Variants in DIAPH2 observed in about 807,000 individuals in gnomAD.
DIAPH2 encodes protein diaphanous homolog 2.
DIAPH2 carries 35 observed loss-of-function variants against 92.7 expected under a neutral mutation model. That is an observed-to-expected ratio of 0.38 (90% CI 0.29 to 0.50). The LOEUF (loss-of-function observed/expected upper bound fraction) is 0.50, where lower values mean the gene tolerates loss of function less well. Ranked by LOEUF, DIAPH2 falls within the 20% of genes least tolerant of loss-of-function variation. The pLI is 0.94. For synonymous variants in DIAPH2, 301 were observed against 280.4 expected, an observed-to-expected ratio of 1.07 and a Z score of -0.73; for missense variants, 701 against 819.5, an observed-to-expected ratio of 0.86 and a Z score of 1.77.
intron 4 of DIAPH2, among the ~76,000 whole-genome samples, chrX:96,836,704 TATATATATATA>T (rs1461970862): frequency 3.5e-4 from 8 of 22,895 alleles, no homozygotes; most frequent in Admixed American, 6.4e-4. Flanking sequence ...TATATATATA[TATATATATATA>T]TATTTTTTTT....
chrX:97,114,669 G>C, intron 20 of DIAPH2, 57 bp from the exon 21 acceptor site: 1 of 1,047,301 alleles, frequency 9.5e-7, no homozygotes, highest in Non-Finnish European at 1.3e-6. Flanking sequence ...CCCCACTAAA[G>C]AGATAAAATA....
intron 23 of DIAPH2, among the ~76,000 whole-genome samples, chrX:97,313,351 ATCT>A (rs200067465): frequency 0.023 from 2,589 of 111,863 alleles, 28 homozygotes; most frequent in Middle Eastern, 0.041. Context: ...CTGTGTGGTC[ATCT>A]TCTTATAAGA....
intron 4 of DIAPH2, among the ~76,000 whole-genome samples, chrX:96,871,136 T>C (rs751284744): frequency 5.4e-4 from 61 of 111,988 alleles, no homozygotes; most frequent in African/African-American, 1.9e-3. Context: ...CTGCCCATTT[T>C]TTAAAGTCAC....
In DIAPH2 at chrX:96,912,642, TA is replaced by T. The variant is rs781384259; in HGVS notation, c.732+91del. 1.9e-4 allele frequency: 194 copies of T among 1,004,018 alleles called. No individual in the cohort carries two copies. The South Asian group carries it at 3.0e-3, about 16-fold the overall frequency. 82.7% of individuals were successfully genotyped at this position (1,004,018 alleles called of 1,213,427 possible). On this transcript the variant is annotated intron_variant, in intron 7 of 26. Transcript: ENST00000324765. ...TGAAATGAACAAAATATTTTTTTAT[TA>T]TTTTTTTTAATTTCCAGGGTACATG... is the stretch of plus-strand genomic sequence containing the variant.
At chrX:96,685,865 G>A (rs1250983128) in intron 1 of DIAPH2, among the ~76,000 whole-genome samples, 2 of 111,841 alleles carry the variant, frequency 1.8e-5, no homozygotes, top group Non-Finnish European at 3.8e-5. Context: ...CTTCCACTTA[G>A]TTGATTAAGA....
rs1019876965 is a variant in DIAPH2 at position 97,600,180 on chromosome X, C to A, written c.*863C>A. On this transcript the variant is annotated 3_prime_UTR_variant, in exon 27 of 27. Transcript: ENST00000324765. Reference sequence around the variant, plus strand: ...AATTCTATTACGTTTATTTAGATTTCAAAGGCAAATATTGATTCCTATGCT... The same window carrying A: ...AATTCTATTACGTTTATTTAGATTTAAAAGGCAAATATTGATTCCTATGCT... 1.8e-5 allele frequency: 2 copies of A among 112,150 alleles called. No homozygotes were observed. Among genetic ancestry groups the A allele is most frequent in the Non-Finnish European group, 3.8e-5 (2 of 53,059 alleles). The allele number at this position is 112,150 out of a possible 1,213,427, so 9.2% of individuals were successfully genotyped here. A position where few individuals can be genotyped will look rare whatever the true frequency, so the allele number is the denominator to read the frequency against.
At chrX:96,950,910 G>A (rs542642446) in intron 15 of DIAPH2, among the ~76,000 whole-genome samples, 9 of 111,457 alleles carry the variant, frequency 8.1e-5, no homozygotes, top group South Asian at 3.9e-4. Context: ...GGAAATTACT[G>A]TCTCCATACT....
Position 96,945,607 on chromosome X carries a change from A to G in DIAPH2, c.1509+16A>G, listed in dbSNP as rs1408703616. 9.3e-7 allele frequency: 1 copy of G among 1,080,131 alleles called. No individual in the cohort carries two copies. The highest frequency in any genetic ancestry group is 1.2e-6 in the Non-Finnish European group (1 of 814,406). 89.0% of individuals were successfully genotyped at this position (1,080,131 alleles called of 1,213,427 possible). A position where few individuals can be genotyped will look rare whatever the true frequency, so the allele number is the denominator to read the frequency against. On this transcript the variant is annotated intron_variant, in intron 14 of 26. Transcript: ENST00000324765. Reference sequence around the variant, plus strand: ...TTCAAAGAAGGTAAGCTTATAAAATATTAGCCATAATCGTTAGGTTAATAA... The same window carrying G: ...TTCAAAGAAGGTAAGCTTATAAAATGTTAGCCATAATCGTTAGGTTAATAA...
chrX:96,936,204 G>A (rs1407184275), intron 10 of DIAPH2, among the ~76,000 whole-genome samples: 3 of 111,580 alleles, frequency 2.7e-5, no homozygotes, highest in Non-Finnish European at 5.7e-5. Context: ...TATTATGTAT[G>A]TGAGTGTTAG....
Position 97,185,664 on chromosome X carries a change from T to A in DIAPH2, c.2719+43870T>A, listed in dbSNP as rs185397465. 1.4e-4 allele frequency among the ~76,000 whole-genome samples: 14 copies of A among 102,844 alleles called. No homozygotes were observed. The East Asian group carries it at 4.3e-3, about 32-fold the overall frequency. The allele number at this position is 102,844 out of a possible 115,157, so 89.3% of individuals were successfully genotyped here. A position where few individuals can be genotyped will look rare whatever the true frequency, so the allele number is the denominator to read the frequency against. On this transcript the variant is annotated intron_variant, in intron 22 of 26. Coordinates refer to ENST00000324765, the MANE Select transcript of DIAPH2 (RefSeq NM_006729.5). ...GAAGCACTTTCCATTTTGTTTACTT[T>A]TCTAAAGTACTTTTCTATGGTACCT...
chrX:97,356,023 C>T (rs1431857125), intron 24 of DIAPH2, among the ~76,000 whole-genome samples: 3 of 111,828 alleles, frequency 2.7e-5, no homozygotes, highest in African/African-American at 9.7e-5. Flanking sequence ...AATGAAAATG[C>T]CTATGTGTGG....
chrX:96,887,359 T>C (rs1041506471), intron 5 of DIAPH2, among the ~76,000 whole-genome samples: 1 of 111,411 alleles, frequency 9.0e-6, no homozygotes, highest in African/African-American at 3.3e-5. Flanking sequence ...TTCTCCAAGG[T>C]CCTGCCCTGA....
intron 26 of DIAPH2, among the ~76,000 whole-genome samples, chrX:97,554,280 G>A (rs903078010): frequency 9.0e-6 from 1 of 111,674 alleles, no homozygotes; most frequent in Non-Finnish European, 1.9e-5. Context: ...TTTTTGCATA[G>A]AAATCCAAAT....
At chrX:96,888,566 C>T (rs1303084660) in intron 5 of DIAPH2, among the ~76,000 whole-genome samples, 1 of 51,692 alleles carries the variant, frequency 1.9e-5, no homozygotes, top group Non-Finnish European at 3.1e-5. Context: ...TATATATATA[C>T]ACAGATATAT....
Position 97,601,070 on chromosome X carries a change from A to G in DIAPH2, c.*1753A>G, listed in dbSNP as rs1371896660. The G allele has an allele frequency of 8.9e-6, 1 of 112,591 alleles. No homozygotes were observed. Among genetic ancestry groups the G allele is most frequent in the Admixed American group, 9.4e-5 (1 of 10,616 alleles). 9.3% of individuals were successfully genotyped at this position (112,591 alleles called of 1,213,427 possible). On this transcript the variant is annotated 3_prime_UTR_variant, in exon 27 of 27. Coordinates refer to ENST00000324765, the MANE Select transcript of DIAPH2 (RefSeq NM_006729.5). ...ACACATGCACACACACATTTAAGGGACATAGCAGTAACACTGTTTTTTAAC... is the reference window on the plus strand; with the variant it reads ...ACACATGCACACACACATTTAAGGGGCATAGCAGTAACACTGTTTTTTAAC...
chrX:97,275,426 C>A (rs1368897674), intron 23 of DIAPH2, among the ~76,000 whole-genome samples: 6 of 106,708 alleles, frequency 5.6e-5, no homozygotes, highest in Admixed American at 2.9e-4. Context: ...GGCTGCCCCC[C>A]CTTCACCTCC....
chrX:97,337,070 CTA>C (rs1491582130), intron 23 of DIAPH2, among the ~76,000 whole-genome samples: 3 of 110,404 alleles, frequency 2.7e-5, no homozygotes, highest in Non-Finnish European at 5.7e-5. Context: ...TCACCACTGA[CTA>C]TACTATCTTT....
chrX:97,121,069 G>C (rs2067054466), intron 21 of DIAPH2, among the ~76,000 whole-genome samples: 1 of 112,028 alleles, frequency 8.9e-6, no homozygotes, highest in Admixed American at 9.4e-5. Context: ...ATCATTTCTA[G>C]CTAAAATAAT....
chrX:96,905,075 CACAA>C (rs2065424205), intron 5 of DIAPH2, among the ~76,000 whole-genome samples: 1 of 111,436 alleles, frequency 9.0e-6, no homozygotes, highest in Non-Finnish European at 1.9e-5. Flanking sequence ...TTTAGCACTG[CACAA>C]ACAGTGATAA....
Sources: allele counts gnomAD v4.1 joint callset (sites outside exome capture counted in the v4.1 genomes callset), GRCh38; gene constraint gnomAD v4.1.1; transcripts MANE v1.5; gene names NCBI Gene and HGNC (gene_info 2026-07-23, HGNC 2026-07-21).